Variants in TDRP observed in about 807,000 individuals in gnomAD.
The protein encoded by TDRP is testis development related protein.
TDRP carries 12 observed loss-of-function variants against 10.5 expected under a neutral mutation model. That is an observed-to-expected ratio of 1.15 (90% CI 0.73 to 1.86). The LOEUF is 1.86. TDRP is among the 40% of genes most tolerant of loss of function. The pLI is 0.00. For missense variants in TDRP, 353 were observed against 229.2 expected (o/e 1.54, Z -3.49); for synonymous variants, 139 against 95.4 (o/e 1.46, Z -2.67).
intron 1 of TDRP, among the ~76,000 whole-genome samples, chr8:520,321 A>G (rs1284720169): frequency 1.3e-5 from 2 of 152,200 alleles, no homozygotes; most frequent in Admixed American, 1.3e-4. Context: ...TCCATTGAAC[A>G]TATGTACTAT....
intron 1 of TDRP, among the ~76,000 whole-genome samples, chr8:515,224 T>C (rs1801726262): frequency 1.3e-5 from 2 of 152,172 alleles, no homozygotes; most frequent in Non-Finnish European, 2.9e-5. Flanking sequence ...CTCAGTGTCT[T>C]TTCTGCTCTA....
chr8:503,552 C>T (rs1196731027), intron 1 of TDRP, among the ~76,000 whole-genome samples: 2 of 147,158 alleles, frequency 1.4e-5, no homozygotes, highest in Non-Finnish European at 3.0e-5. Flanking sequence ...CCAATGCCCA[C>T]TCACCATGCA....
intron 2 of TDRP, among the ~76,000 whole-genome samples, chr8:493,824 A>G (rs1338081256): frequency 6.6e-6 from 1 of 152,084 alleles, no homozygotes; most frequent in African/African-American, 2.4e-5. Context: ...ACTACTAAAA[A>G]TCTTAAGTGA....
At chr8:542,036 G>A (rs1431105269) in intron 1 of TDRP, among the ~76,000 whole-genome samples, 1 of 152,126 alleles carries the variant, frequency 6.6e-6, no homozygotes, top group African/African-American at 2.4e-5. Flanking sequence ...AGAGGGTGAA[G>A]GGATAAACTG....
chr8:518,224 C>A lies in TDRP; in HGVS notation c.109-23627G>T, dbSNP rs576424909. 5.3e-5 allele frequency among the ~76,000 whole-genome samples: 8 copies of A among 152,132 alleles called. No individual in the cohort carries two copies. The East Asian group carries it at 1.5e-3, about 29-fold the overall frequency. ...GTAGGGAAGGTAGGGAAGGTAGGGG[C>A]CAGGAGGCACCTAAGAACTCTGTGC... On this transcript the variant is annotated intron_variant, in intron 1 of 2. Transcript: ENST00000324079.
chr8:498,389 A>G (rs1311557965), intron 1 of TDRP, among the ~76,000 whole-genome samples: 1 of 152,160 alleles, frequency 6.6e-6, no homozygotes, highest in East Asian at 1.9e-4. Flanking sequence ...GGATTTAATG[A>G]CTGCCCTGCT....
At chr8:523,658 CA>C (rs2116829929) in intron 1 of TDRP, among the ~76,000 whole-genome samples, 1 of 152,254 alleles carries the variant, frequency 6.6e-6, no homozygotes, top group East Asian at 1.9e-4. Flanking sequence ...AATAGCCTGG[CA>C]ATACTCTCCG....
At chr8:511,896 A>C (rs1378337420) in intron 1 of TDRP, among the ~76,000 whole-genome samples, 1 of 152,204 alleles carries the variant, frequency 6.6e-6, no homozygotes, top group Non-Finnish European at 1.5e-5. Flanking sequence ...ATACCAAAAA[A>C]CATGGGATTC....
intron 1 of TDRP, among the ~76,000 whole-genome samples, chr8:525,141 A>G (rs1802003906): frequency 6.6e-6 from 1 of 152,208 alleles, no homozygotes; most frequent in Admixed American, 6.5e-5. Context: ...GAAACCTTAC[A>G]GGTCAAGAGA....
intron 1 of TDRP, among the ~76,000 whole-genome samples, chr8:503,298 G>T (rs544996567): frequency 7.5e-6 from 1 of 133,000 alleles, no homozygotes; most frequent in Non-Finnish European, 1.6e-5. Flanking sequence ...CTCAGCACAC[G>T]CCAACATGGA....
intron 1 of TDRP, among the ~76,000 whole-genome samples, chr8:513,595 C>G (rs1206290959): frequency 6.6e-6 from 1 of 152,188 alleles, no homozygotes; most frequent in African/African-American, 2.4e-5. Flanking sequence ...AGAGCAGGAA[C>G]AAGACAAGGA....
At chr8:509,298 C>T (rs1359685019) in intron 1 of TDRP, among the ~76,000 whole-genome samples, 1 of 152,220 alleles carries the variant, frequency 6.6e-6, no homozygotes, top group Admixed American at 6.5e-5. Flanking sequence ...GGGGCTCCAA[C>T]CCCACATTTC....
At chr8:544,967 C>T (rs987854636), upstream of TDRP, 43 of 341,374 alleles carry the variant, frequency 1.3e-4, no homozygotes, top group Non-Finnish European at 2.1e-4. Context: ...GGCCCGCCCC[C>T]AAACCATCCC....
upstream of TDRP, chr8:544,926 C>G (rs1584890420): frequency 5.2e-6 from 2 of 383,336 alleles, no homozygotes; most frequent in Non-Finnish European, 8.8e-6. Context: ...CCCCTCCCCA[C>G]CAGGCCCGCC....
At chr8:498,446 G>C (rs1801193579) in intron 1 of TDRP, among the ~76,000 whole-genome samples, 1 of 152,132 alleles carries the variant, frequency 6.6e-6, no homozygotes, top group African/African-American at 2.4e-5. Context: ...TTTCCCTTTT[G>C]TTGTGGGTGC....
At chr8:503,935 G>C (rs1037856194) in intron 1 of TDRP, among the ~76,000 whole-genome samples, 2 of 145,266 alleles carry the variant, frequency 1.4e-5, no homozygotes, top group Non-Finnish European at 1.5e-5. Flanking sequence ...GGAATCCAGA[G>C]CCACACAATG....
chr8:533,080 A>T (rs1196447191), intron 1 of TDRP, among the ~76,000 whole-genome samples: 3 of 152,190 alleles, frequency 2.0e-5, no homozygotes, highest in Non-Finnish European at 4.4e-5. Flanking sequence ...CCTCCAGACC[A>T]CTTCAGAGAG....
At chr8:509,088 C>G (rs996364384) in intron 1 of TDRP, among the ~76,000 whole-genome samples, 1 of 152,248 alleles carries the variant, frequency 6.6e-6, no homozygotes. Context: ...GGGCTCCTAC[C>G]ACCTTGGGCA....
intron 2 of TDRP, 85 bp from the exon 3 acceptor site, chr8:492,829 A>G (rs184285890): frequency 9.5e-7 from 1 of 1,052,632 alleles, no homozygotes; most frequent in Non-Finnish European, 1.3e-6. Flanking sequence ...AAAATTCTTT[A>G]AAATTTTAAA....
Sources: gnomAD v4.1 joint callset for allele counts (sites outside exome capture counted in the v4.1 genomes callset) on GRCh38, gnomAD v4.1.1 for gene constraint, MANE v1.5 for transcripts, NCBI Gene and HGNC (gene_info 2026-07-23, HGNC 2026-07-21) for gene names.